Variants in DIAPH3 observed in about 807,000 individuals in gnomAD.
DIAPH3 encodes the protein protein diaphanous homolog 3.
Under a neutral mutation model 144.3 loss-of-function variants are expected in DIAPH3, and 117 were observed. That is an observed-to-expected ratio of 0.81 (90% CI 0.70 to 0.95). The LOEUF is 0.95. Ranked by LOEUF, DIAPH3 falls within the 40% of genes least tolerant of loss-of-function variation. The pLI, the probability that DIAPH3 is intolerant of heterozygous loss-of-function variation, is 0.00. For synonymous variants in DIAPH3, 519 were observed against 488.9 expected (o/e 1.06, Z -0.81); for missense variants, 1,421 against 1,412.7 (o/e 1.01, Z -0.09).
chr13:59,839,893 T>G (rs2042246599), intron 22 of DIAPH3, among the ~76,000 whole-genome samples: 1 of 152,214 alleles, frequency 6.6e-6, no homozygotes, highest in Non-Finnish European at 1.5e-5. Flanking sequence ...TGTCCAAGCT[T>G]ATCTACAATG....
intron 27 of DIAPH3, among the ~76,000 whole-genome samples, chr13:59,671,670 T>C (rs1323761917): frequency 6.6e-6 from 1 of 152,254 alleles, no homozygotes; most frequent in Non-Finnish European, 1.5e-5. Context: ...TTTGTGTTTC[T>C]GTGGAAATAA....
At chr13:59,972,169 G>A (rs2050423417) in intron 15 of DIAPH3, among the ~76,000 whole-genome samples, 1 of 152,082 alleles carries the variant, frequency 6.6e-6, no homozygotes, top group Non-Finnish European at 1.5e-5. Flanking sequence ...AAGAGAAAAA[G>A]CCAACTGGGC....
At chr13:59,862,706 A>T (rs1283790483) in intron 21 of DIAPH3, among the ~76,000 whole-genome samples, 2 of 152,188 alleles carry the variant, frequency 1.3e-5, no homozygotes. Flanking sequence ...TGTATAGAAC[A>T]GTGCTTTCAT....
intron 8 of DIAPH3, among the ~76,000 whole-genome samples, 171 bp downstream of exon 8, chr13:60,010,362 T>C (rs2053159542): frequency 6.6e-6 from 1 of 152,146 alleles, no homozygotes; most frequent in Non-Finnish European, 1.5e-5. Flanking sequence ...TTAAGAGAAA[T>C]AATTACTCAA....
At chr13:59,921,097 T>A (rs2047488769) in intron 18 of DIAPH3, among the ~76,000 whole-genome samples, 1 of 148,506 alleles carries the variant, frequency 6.7e-6, no homozygotes, top group African/African-American at 2.5e-5. Flanking sequence ...CAAAAGCAGA[T>A]CTAAGTGAGA....
intron 27 of DIAPH3, among the ~76,000 whole-genome samples, chr13:59,711,973 T>C (rs970946055): frequency 6.6e-5 from 10 of 152,166 alleles, no homozygotes; most frequent in Non-Finnish European, 1.3e-4. Context: ...CATTCTATAC[T>C]AGACATTATC....
intron 12 of DIAPH3, among the ~76,000 whole-genome samples, chr13:59,984,362 G>A (rs138557373): frequency 1.8e-3 from 273 of 151,802 alleles, no homozygotes; most frequent in African/African-American, 6.1e-3. Flanking sequence ...AACTGGTACT[G>A]TAAGTTATAT....
At chr13:59,851,900 G>C (rs927923554) in intron 22 of DIAPH3, among the ~76,000 whole-genome samples, 53 of 152,188 alleles carry the variant, frequency 3.5e-4, no homozygotes, top group African/African-American at 1.3e-3. Context: ...TTACAGGCGT[G>C]AGCCATGGCG....
intron 10 of DIAPH3, 41 bp downstream of exon 10, chr13:59,992,432 T>C: frequency 6.7e-7 from 1 of 1,493,640 alleles, no homozygotes; most frequent in Non-Finnish European, 9.2e-7. Flanking sequence ...TCAAGTACTC[T>C]TTTAATTTAA....
intron 9 of DIAPH3, among the ~76,000 whole-genome samples, chr13:59,998,873 T>A (rs947917722): frequency 1.3e-5 from 2 of 152,080 alleles, no homozygotes; most frequent in South Asian, 2.1e-4. Flanking sequence ...TCAACAATGA[T>A]CCTAAAAATA....
chr13:60,125,394 A>ATTTTTTTCTTTTTTTTTTTTTTTTT (rs2058961260), intron 2 of DIAPH3, among the ~76,000 whole-genome samples: 1 of 97,830 alleles, frequency 1.0e-5, no homozygotes, highest in Non-Finnish European at 2.0e-5. Flanking sequence ...CACCCAGCTA[A>ATTTTTTTCTTTTTTTTTTTTTTTTT]TTTTTTTTTT....
chr13:59,808,906 C>A (rs2040322937), intron 25 of DIAPH3, among the ~76,000 whole-genome samples: 2 of 152,124 alleles, frequency 1.3e-5, no homozygotes, highest in Non-Finnish European at 2.9e-5. Context: ...TTATGGGTAA[C>A]AGCCTTTTGA....
intron 27 of DIAPH3, among the ~76,000 whole-genome samples, chr13:59,738,914 T>C (rs1173222363): frequency 1.3e-5 from 2 of 152,254 alleles, no homozygotes; most frequent in East Asian, 1.9e-4. Flanking sequence ...AAAACTTGAC[T>C]ATGTTTACAA....
chr13:60,096,970 C>A (rs775916993), intron 3 of DIAPH3, among the ~76,000 whole-genome samples: 5 of 152,114 alleles, frequency 3.3e-5, no homozygotes, highest in Non-Finnish European at 7.3e-5. Context: ...AGCCAGTTCT[C>A]CTAATAAATC....
Position 59,790,069 on chromosome 13 carries a change from G to A in DIAPH3, c.3164-15246C>T, listed in dbSNP as rs190418107. ...TCTACAAAGATACACTAAGGACTAC[G>A]TGTCAGGCACTGAACTAGCCCCAGC... On this transcript the variant is annotated intron_variant, in intron 25 of 27. Coordinates refer to ENST00000400324, the MANE Select transcript of DIAPH3 (RefSeq NM_001042517.2). Among the ~76,000 whole-genome samples, 16 of 152,266 alleles carry A rather than the reference G, an allele frequency of 1.1e-4. No homozygotes were observed. The East Asian group carries it at 2.7e-3, about 26-fold the overall frequency.
intron 22 of DIAPH3, among the ~76,000 whole-genome samples, chr13:59,843,378 C>T (rs1238701052): frequency 6.6e-5 from 10 of 152,088 alleles, no homozygotes; most frequent in Non-Finnish European, 1.5e-4. Context: ...GATAGAGCTA[C>T]CCCAATGAGT....
In DIAPH3 at chr13:60,095,821, C is replaced by G. The variant is rs551793646; in HGVS notation, c.391-2089G>C. ...CTATTCTGTAAATTATAGTTACACT[C>G]TGCTTTTTTTAAGCTTTACCAACAG... On this transcript the variant is annotated intron_variant, in intron 3 of 27. Transcript: ENST00000400324. 1.2e-4 allele frequency among the ~76,000 whole-genome samples: 19 copies of G among 152,240 alleles called. 1 individual carries two copies. In the South Asian group the frequency reaches 3.9e-3, roughly 32 times the overall value.
chr13:60,158,596 C>T (rs1952133744), intron 1 of DIAPH3, among the ~76,000 whole-genome samples: 1 of 152,102 alleles, frequency 6.6e-6, no homozygotes, highest in Non-Finnish European at 1.5e-5. Flanking sequence ...GTTCAACAGG[C>T]CCAGGCAGAG....
chr13:60,009,170 G>A (rs75278379), intron 8 of DIAPH3, among the ~76,000 whole-genome samples: 3 of 152,060 alleles, frequency 2.0e-5, no homozygotes, highest in Admixed American at 6.5e-5. Flanking sequence ...ATATATAATA[G>A]TATGGTATTA....
Sources: gnomAD v4.1 joint callset for allele counts (sites outside exome capture counted in the v4.1 genomes callset) on GRCh38, gnomAD v4.1.1 for gene constraint, MANE v1.5 for transcripts, NCBI Gene and HGNC (gene_info 2026-07-23, HGNC 2026-07-21) for gene names.